Variants in ATP6V1H observed in about 807,000 individuals in gnomAD.
The protein encoded by ATP6V1H is V-type proton ATPase subunit H.
Under a neutral mutation model 71.7 loss-of-function variants are expected in ATP6V1H, and 39 were observed. The observed-to-expected ratio is 0.54, with a 90% CI of 0.42 to 0.71. The LOEUF (loss-of-function observed/expected upper bound fraction) is 0.71, where lower values mean the gene tolerates loss of function less well. ATP6V1H is among the 30% of genes least tolerant of loss of function. The pLI, the probability that ATP6V1H is intolerant of heterozygous loss-of-function variation, is 0.00. For missense variants in ATP6V1H, 509 were observed against 594.9 expected, an observed-to-expected ratio of 0.86 and a Z score of 1.50; for synonymous variants, 192 against 199.3, an observed-to-expected ratio of 0.96 and a Z score of 0.31.
At chr8:53,789,817 C>T (rs185845352) in intron 9 of ATP6V1H, among the ~76,000 whole-genome samples, 1 of 151,956 alleles carries the variant, frequency 6.6e-6, no homozygotes, top group East Asian at 1.9e-4. Context: ...CAGAAAAGAA[C>T]AGGTAGAGGT....
At chr8:53,770,584 T>G (rs1177258110) in intron 10 of ATP6V1H, among the ~76,000 whole-genome samples, 1 of 152,220 alleles carries the variant, frequency 6.6e-6, no homozygotes, top group Non-Finnish European at 1.5e-5. Flanking sequence ...GGCCAGTTAG[T>G]ATAAGAAGTA....
Position 53,786,651 on chromosome 8 carries a change from G to C in ATP6V1H, c.870+8996C>G, listed in dbSNP as rs186505860. 2.2e-3 allele frequency among the ~76,000 whole-genome samples: 339 copies of C among 152,294 alleles called. 2 individuals carry two copies. The highest frequency in any genetic ancestry group is 7.9e-3 in the African/African-American group (328 of 41,570). ...GCTGTAGACTGGAGCTGTTACTATT[G>C]AGCCATCTTGGCTCCACTCCCTGAA... On this transcript the variant is annotated intron_variant, in intron 9 of 13. Coordinates refer to ENST00000359530, the MANE Select transcript of ATP6V1H (RefSeq NM_015941.4).
Position 53,816,535 on chromosome 8 carries a change from C to A in ATP6V1H, c.420+882G>T, listed in dbSNP as rs1399124191. 2.6e-5 allele frequency among the ~76,000 whole-genome samples: 4 copies of A among 152,300 alleles called. No individual in the cohort carries two copies. The East Asian group carries it at 7.7e-4, about 29-fold the overall frequency. ...AGTGTAGGCCGGGTGCAGTGCCTCA[C>A]ACCTGTAATCCCAGCACTCTGGGAG... On this transcript the variant is annotated intron_variant, in intron 5 of 13. Coordinates refer to ENST00000359530, the MANE Select transcript of ATP6V1H (RefSeq NM_015941.4).
At chr8:53,821,502 G>A (rs947673213) in intron 4 of ATP6V1H, among the ~76,000 whole-genome samples, 6 of 151,910 alleles carry the variant, frequency 3.9e-5, no homozygotes, top group African/African-American at 9.7e-5. Flanking sequence ...GCAACATGGC[G>A]AAATCCCATC....
At chr8:53,810,770 A>T (rs1318105212) in intron 7 of ATP6V1H, among the ~76,000 whole-genome samples, 1 of 152,108 alleles carries the variant, frequency 6.6e-6, no homozygotes, top group African/African-American at 2.4e-5. Context: ...AAAGTAACTG[A>T]ATTTCTTTCA....
intron 9 of ATP6V1H, among the ~76,000 whole-genome samples, chr8:53,788,058 CATT>C (rs768229520): frequency 5.9e-5 from 9 of 152,118 alleles, no homozygotes; most frequent in Non-Finnish European, 1.2e-4. Context: ...TAAAAATCAT[CATT>C]GTTAAAATCA....
intron 7 of ATP6V1H, among the ~76,000 whole-genome samples, chr8:53,810,897 C>G (rs1309451377): frequency 1.3e-5 from 2 of 152,058 alleles, no homozygotes; most frequent in Non-Finnish European, 2.9e-5. Context: ...CTTCTGAATT[C>G]TGATTTTTGC....
chr8:53,726,375 A>T (rs1438239812), intron 13 of ATP6V1H, among the ~76,000 whole-genome samples: 1 of 152,224 alleles, frequency 6.6e-6, no homozygotes, highest in Non-Finnish European at 1.5e-5. Flanking sequence ...CTGCCACATT[A>T]TGAAAAGACT....
intron 11 of ATP6V1H, among the ~76,000 whole-genome samples, chr8:53,761,543 C>T (rs1808275244): frequency 6.6e-6 from 1 of 151,966 alleles, no homozygotes; most frequent in African/African-American, 2.4e-5. Flanking sequence ...ACTTGTAAAA[C>T]GTTCCCCTCC....
At chr8:53,790,025 C>T (rs73587660) in intron 9 of ATP6V1H, among the ~76,000 whole-genome samples, 4,944 of 152,170 alleles carry the variant, frequency 0.032, 265 homozygotes, top group African/African-American at 0.11. Flanking sequence ...AAATATATCT[C>T]CTTTTCTGAA....
At chr8:53,832,725 C>T (rs1358376649) in intron 3 of ATP6V1H, 8 of 278,382 alleles carry the variant, frequency 2.9e-5, no homozygotes, top group Non-Finnish European at 3.3e-5. Context: ...GGAAAAAATT[C>T]TCTTAAAAAA....
rs556461743 is a variant in ATP6V1H, at chr8:53,732,479, C to T, written c.1391+11098G>A. ...TGTGAATGTAAATTAGAATTGCCCT[C>T]TTTTGGTGTTGGATGGCCAACAGAA... On this transcript the variant is annotated intron_variant, in intron 13 of 13. Transcript: ENST00000359530. Among the ~76,000 whole-genome samples the T allele has an allele frequency of 1.4e-4, 21 of 152,162 alleles. No homozygotes were observed. The South Asian group carries it at 4.4e-3, about 32-fold the overall frequency.
intron 6 of ATP6V1H, among the ~76,000 whole-genome samples, chr8:53,811,908 A>G (rs1259605234): frequency 6.6e-6 from 1 of 152,164 alleles, no homozygotes; most frequent in Non-Finnish European, 1.5e-5. Flanking sequence ...AAAGAACAAA[A>G]CATCTAAACT....
At chr8:53,719,015 T>C (rs890648904) in intron 13 of ATP6V1H, among the ~76,000 whole-genome samples, 6 of 152,140 alleles carry the variant, frequency 3.9e-5, no homozygotes, top group African/African-American at 7.2e-5. Flanking sequence ...TTTCTTGAAA[T>C]TGTTGTTTGT....
chr8:53,770,619 C>A (rs1373692328), intron 10 of ATP6V1H, among the ~76,000 whole-genome samples: 1 of 152,116 alleles, frequency 6.6e-6, no homozygotes, highest in Non-Finnish European at 1.5e-5. Context: ...ATATTCATAT[C>A]CTAATCCTGT....
intron 13 of ATP6V1H, among the ~76,000 whole-genome samples, chr8:53,736,288 A>C (rs1028354809): frequency 6.6e-6 from 1 of 152,078 alleles, no homozygotes; most frequent in African/African-American, 2.4e-5. Flanking sequence ...TATAAACCAA[A>C]AGTTACCAGA....
At chr8:53,716,750 G>A (rs1045638664) in intron 13 of ATP6V1H, among the ~76,000 whole-genome samples, 2 of 152,216 alleles carry the variant, frequency 1.3e-5, no homozygotes, top group Non-Finnish European at 2.9e-5. Flanking sequence ...TGTGCCCACA[G>A]TATGTGCATA....
chr8:53,752,863 A>G (rs1056564357), intron 12 of ATP6V1H, among the ~76,000 whole-genome samples: 1 of 152,188 alleles, frequency 6.6e-6, no homozygotes, highest in African/African-American at 2.4e-5. Context: ...CTTTCTTATG[A>G]CTCAATAAGT....
chr8:53,811,450 C>T (rs1279801704), intron 6 of ATP6V1H, among the ~76,000 whole-genome samples: 1 of 152,110 alleles, frequency 6.6e-6, no homozygotes, highest in African/African-American at 2.4e-5. Context: ...AAAAATGGAA[C>T]AATAATAAAC....
Sources: allele counts gnomAD v4.1 joint callset (sites outside exome capture counted in the v4.1 genomes callset), GRCh38; gene constraint gnomAD v4.1.1; transcripts MANE v1.5; gene names NCBI Gene and HGNC (gene_info 2026-07-23, HGNC 2026-07-21).